Variants in RGSL1 observed in about 807,000 individuals in gnomAD.
The protein encoded by RGSL1 is regulator of G protein signaling protein-like.
A neutral mutation model predicts 124.7 loss-of-function variants in RGSL1; 97 were observed. That is an observed-to-expected ratio of 0.78 (90% CI 0.66 to 0.92). The LOEUF (loss-of-function observed/expected upper bound fraction) is 0.92, where lower values mean the gene tolerates loss of function less well. Ranked by LOEUF, RGSL1 falls within the 40% of genes least tolerant of loss-of-function variation. The pLI is 0.00. For synonymous variants in RGSL1, 424 were observed against 438.1 expected (o/e 0.97, Z 0.40); for missense variants, 1,233 against 1,288.4 (o/e 0.96, Z 0.66).
At chr1:182,460,404 T>C (rs560124624) in intron 4 of RGSL1, among the ~76,000 whole-genome samples, 1 of 152,204 alleles carries the variant, frequency 6.6e-6, no homozygotes, top group Non-Finnish European at 1.5e-5. Context: ...AAGAGAAATA[T>C]GCAGGAATCT....
intron 2 of RGSL1, among the ~76,000 whole-genome samples, chr1:182,456,597 C>G (rs780458798): frequency 2.6e-5 from 4 of 152,110 alleles, no homozygotes; most frequent in Non-Finnish European, 4.4e-5. Flanking sequence ...CACGCCTGGC[C>G]GAGAAGTAAT....
chr1:182,520,620 T>A (rs1377529631), intron 9 of RGSL1, among the ~76,000 whole-genome samples: 1 of 152,234 alleles, frequency 6.6e-6, no homozygotes, highest in Non-Finnish European at 1.5e-5. Context: ...ATAAATTTAC[T>A]TTCACTTTGA....
chr1:182,454,072 T>C (rs1652071846), intron 2 of RGSL1, 32 bp downstream of exon 2: 1 of 1,265,678 alleles, frequency 7.9e-7, no homozygotes, highest in Non-Finnish European at 1.1e-6. Flanking sequence ...TACAAATATT[T>C]CATCAGCAGC....
chr1:182,495,242 A>C (rs1163573728), intron 9 of RGSL1, among the ~76,000 whole-genome samples: 1 of 152,120 alleles, frequency 6.6e-6, no homozygotes, highest in Non-Finnish European at 1.5e-5. Flanking sequence ...CATCCCTGCC[A>C]CCTAGAACTC....
intron 17 of RGSL1, chr1:182,550,736 G>T: frequency 5.0e-6 from 1 of 198,766 alleles, no homozygotes; most frequent in Non-Finnish European, 1.0e-5. Flanking sequence ...AGACACTCTG[G>T]CCATACCAGG....
At chr1:182,486,973 C>G (rs914285023) in intron 6 of RGSL1, among the ~76,000 whole-genome samples, 4 of 152,174 alleles carry the variant, frequency 2.6e-5, no homozygotes, top group African/African-American at 7.2e-5. Context: ...CCATGCCCGG[C>G]CTAGTCATAA....
At chr1:182,545,271 A>T (rs1021573216) in intron 15 of RGSL1, among the ~76,000 whole-genome samples, 8 of 152,192 alleles carry the variant, frequency 5.3e-5, no homozygotes, top group Non-Finnish European at 1.2e-4. Flanking sequence ...ATAGAAACAA[A>T]GAAAAAACTA....
chr1:182,551,847 A>G (rs1276994633), intron 18 of RGSL1, among the ~76,000 whole-genome samples: 2 of 152,154 alleles, frequency 1.3e-5, no homozygotes, highest in Non-Finnish European at 2.9e-5. Flanking sequence ...CTGTATTTTT[A>G]CTGTGCTTTT....
chr1:182,450,135 C>T, upstream of RGSL1: 1 of 1,551,958 alleles, frequency 6.4e-7, no homozygotes, highest in Admixed American at 2.0e-5. Context: ...CTGCCCCTAA[C>T]AAATTACTGT....
rs1393455771 is a variant in RGSL1 at position 182,509,967 on chromosome 1, C to T, written c.1826-12037C>T. On this transcript the variant is annotated intron_variant, in intron 9 of 21. Transcript: ENST00000294854. ...GGGTCTCCTCACTTCTCAGACAGGG[C>T]GGCCGGGCAGAGACGCTCCTCACCT... is the stretch of plus-strand genomic sequence containing the variant. Among the ~76,000 whole-genome samples, 305 of 127,490 alleles carry T rather than the reference C, an allele frequency of 2.4e-3. 1 individual carries two copies. The highest frequency in any genetic ancestry group is 0.014 in the Middle Eastern group (3 of 222). The allele number at this position is 127,490 out of a possible 152,430, so 83.6% of individuals were successfully genotyped here. A position where few individuals can be genotyped will look rare whatever the true frequency, so the allele number is the denominator to read the frequency against.
At chr1:182,506,991 T>C (rs868425800) in intron 9 of RGSL1, among the ~76,000 whole-genome samples, 383 of 147,718 alleles carry the variant, frequency 2.6e-3, no homozygotes, top group African/African-American at 9.1e-3. Context: ...TTCTTTTTTT[T>C]TTTTTTTTTT....
chr1:182,466,891 G>C (rs1207942089), intron 4 of RGSL1, among the ~76,000 whole-genome samples: 1 of 152,050 alleles, frequency 6.6e-6, no homozygotes, highest in Non-Finnish European at 1.5e-5. Flanking sequence ...AAAGCTGCAG[G>C]ACTCACCTTC....
chr1:182,490,109 T>C (rs764992950), intron 8 of RGSL1, among the ~76,000 whole-genome samples: 1 of 152,228 alleles, frequency 6.6e-6, no homozygotes, highest in Non-Finnish European at 1.5e-5. Flanking sequence ...ACTCCAGCAT[T>C]CTTTATTCTA....
At chr1:182,529,479 T>C (rs1659005437) in intron 11 of RGSL1, among the ~76,000 whole-genome samples, 1 of 152,202 alleles carries the variant, frequency 6.6e-6, no homozygotes, top group Admixed American at 6.5e-5. Flanking sequence ...TTGTGTCTTA[T>C]TTTGTTTCCT....
chr1:182,491,678 C>T (rs1655535458), intron 8 of RGSL1, among the ~76,000 whole-genome samples: 1 of 148,600 alleles, frequency 6.7e-6, no homozygotes. Context: ...CTTGATTACA[C>T]ATCATGGTGA....
chr1:182,543,707 C>T (rs1466654420), intron 15 of RGSL1, among the ~76,000 whole-genome samples: 1 of 152,004 alleles, frequency 6.6e-6, no homozygotes, highest in Admixed American at 6.6e-5. Context: ...TGGCTTCAAT[C>T]TTGTTACTCA....
At chr1:182,543,361 G>A (rs1250469232) in intron 15 of RGSL1, among the ~76,000 whole-genome samples, 1 of 152,016 alleles carries the variant, frequency 6.6e-6, no homozygotes, top group Non-Finnish European at 1.5e-5. Flanking sequence ...TTATTGATTT[G>A]CGTATGTTGA....
chr1:182,493,495 C>T (rs1655684631), intron 9 of RGSL1, among the ~76,000 whole-genome samples: 1 of 152,060 alleles, frequency 6.6e-6, no homozygotes, highest in South Asian at 2.1e-4. Context: ...GGGAATAATA[C>T]CTCTAAGAGA....
In RGSL1 at chr1:182,553,582, A is replaced by G. The variant is rs984384161; in HGVS notation, c.3130+41A>G. On this transcript the variant is annotated intron_variant, in intron 19 of 21. Coordinates refer to ENST00000294854, the MANE Select transcript of RGSL1 (RefSeq NM_001137669.2). ...ATCCCCACTGATAGTTTGCTACTCA[A>G]TCAGAGGGGGACTTTAAAACCAGCT... is the stretch of plus-strand genomic sequence containing the variant. 1.2e-5 allele frequency: 19 copies of G among 1,520,182 alleles called. No homozygotes were observed. In the East Asian group the frequency reaches 1.7e-4, roughly 14 times the overall value. The allele number at this position is 1,520,182 out of a possible 1,614,324, so 94.2% of individuals were successfully genotyped here.
Sources: gnomAD v4.1 joint callset for allele counts (sites outside exome capture counted in the v4.1 genomes callset) on GRCh38, gnomAD v4.1.1 for gene constraint, MANE v1.5 for transcripts, NCBI Gene and HGNC (gene_info 2026-07-23, HGNC 2026-07-21) for gene names.